Variants in FUCA1 observed in about 807,000 individuals in gnomAD.
FUCA1 encodes tissue alpha-L-fucosidase.
FUCA1 carries 52 observed loss-of-function variants against 56.8 expected under a neutral mutation model. That is an observed-to-expected ratio of 0.92 (90% CI 0.73 to 1.15). The LOEUF (loss-of-function observed/expected upper bound fraction) is 1.15. Ranked by LOEUF, FUCA1 falls within the 50% of genes most tolerant of loss-of-function variation. FUCA1 has a pLI of 0.00. For synonymous variants in FUCA1, 230 were observed against 226.6 expected (o/e 1.02, Z -0.14); for missense variants, 568 against 592.6 (o/e 0.96, Z 0.43).
intron 4 of FUCA1, among the ~76,000 whole-genome samples, chr1:23,857,017 A>AT (rs1639406471): frequency 6.6e-6 from 1 of 151,726 alleles, no homozygotes; most frequent in Non-Finnish European, 1.5e-5. Flanking sequence ...GAAAAAAAAA[A>AT]GCCAAAAAAG....
intron 6 of FUCA1, among the ~76,000 whole-genome samples, chr1:23,847,662 G>T (rs1297391425): frequency 1.3e-5 from 2 of 152,102 alleles, no homozygotes; most frequent in Admixed American, 6.6e-5. Flanking sequence ...CCAGATGCTG[G>T]TGCTATGCTC....
intron 2 of FUCA1, among the ~76,000 whole-genome samples, chr1:23,864,706 C>CTTTTTTTT (rs563678936): frequency 7.2e-6 from 1 of 138,542 alleles, no homozygotes; most frequent in Non-Finnish European, 1.6e-5. Context: ...TGTCTTTTTT[C>CTTTTTTTT]TTTTTTTTTT....
Position 23,859,858 on chromosome 1 carries a change from AG to A in FUCA1, c.707del (p.Pro236LeufsTer25), listed in dbSNP as rs769782567. The A allele has an allele frequency of 6.2e-7, 1 of 1,613,664 alleles. No homozygotes were observed. Among genetic ancestry groups the A allele is most frequent in the East Asian group, 2.2e-5 (1 of 44,870 alleles). On this transcript the variant is annotated frameshift_variant, in exon 4 of 8. Transcript: ENST00000374479. LOFTEE classifies it high-confidence loss of function. ...LIWSDGEWEC[P>X]DTYWNSTNFL... ...AATTTGTGGAGTTCCAGTAAGTATC[AG>A]GACATTCCCACTCCCCATCAGACCA...
At chr1:23,852,377 G>T (rs1290640976) in intron 5 of FUCA1, among the ~76,000 whole-genome samples, 1 of 151,890 alleles carries the variant, frequency 6.6e-6, no homozygotes, top group Non-Finnish European at 1.5e-5. Context: ...AGGTATGATC[G>T]TGCCACTGCG....
intron 5 of FUCA1, 115 bp downstream of exon 5, chr1:23,854,245 T>A: frequency 1.2e-6 from 1 of 855,890 alleles, no homozygotes; most frequent in Non-Finnish European, 1.9e-6. Context: ...ACCTCCAAAA[T>A]ATGCATCTGT....
chr1:23,866,996 G>C (rs1027831037), intron 1 of FUCA1, among the ~76,000 whole-genome samples: 3 of 152,152 alleles, frequency 2.0e-5, no homozygotes, highest in Non-Finnish European at 4.4e-5. Flanking sequence ...AAGTTCAAGA[G>C]AAACGAAAAC....
intron 5 of FUCA1, 48 bp downstream of exon 5, chr1:23,854,312 A>G: frequency 7.2e-7 from 1 of 1,398,304 alleles, no homozygotes; most frequent in East Asian, 2.3e-5. Flanking sequence ...ATCATACTGC[A>G]TGTTAAAAAA....
chr1:23,859,736 G>A, intron 4 of FUCA1, 62 bp downstream of exon 4: 1 of 1,020,332 alleles, frequency 9.8e-7, no homozygotes, highest in Non-Finnish European at 1.6e-6. Flanking sequence ...CTACTCCAGA[G>A]TTTGGCTCCT....
Position 23,868,185 on chromosome 1 carries a change from C to T in FUCA1, c.102G>A (p.Pro34=), listed in dbSNP as rs770365153. 6.2e-7 allele frequency: 1 copy of T among 1,604,238 alleles called. No homozygotes were observed. Among genetic ancestry groups the T allele is most frequent in the Admixed American group, 1.7e-5 (1 of 58,788 alleles). ...TCGGCCAGTCTGGGGTGTAGCGGCG[C>T]GGAGGCTGGGCCCGACGCACCGACT... is the stretch of plus-strand genomic sequence containing the variant. ...AAESVRRAQP[P]RRYTPDWPSL... Residue 34 remains proline (P), a synonymous_variant, in exon 1 of 8, where the codon CCG becomes CCA. Transcript: ENST00000374479.
At chr1:23,865,419 A>G (rs1639601650) in intron 2 of FUCA1, 72 bp downstream of exon 2, 2 of 1,596,070 alleles carry the variant, frequency 1.3e-6, no homozygotes, top group African/African-American at 2.7e-5. Flanking sequence ...AACACACGCA[A>G]GTAGAGGAGG....
intron 5 of FUCA1, among the ~76,000 whole-genome samples, chr1:23,851,299 G>A (rs141774858): frequency 0.026 from 3,913 of 152,008 alleles, 146 homozygotes; most frequent in African/African-American, 0.085. Flanking sequence ...GGGAGACGGC[G>A]GTTGCAGCAG....
intron 5 of FUCA1, among the ~76,000 whole-genome samples, chr1:23,849,575 CTTTTTTTTTTTT>C (rs991049814): frequency 1.2e-5 from 1 of 80,262 alleles, no homozygotes; most frequent in Non-Finnish European, 2.3e-5. Context: ...GAGATACGTT[CTTTTTTTTTTTT>C]TTTTTTTTTT....
At chr1:23,854,610 CT>C in intron 4 of FUCA1, 50 bp from the exon 5 acceptor site, 1 of 1,395,496 alleles carries the variant, frequency 7.2e-7, no homozygotes. Context: ...CACTTGACTT[CT>C]TTATGTAATA....
chr1:23,849,292 TTC>T (rs1639209008), intron 5 of FUCA1, among the ~76,000 whole-genome samples: 1 of 152,030 alleles, frequency 6.6e-6, no homozygotes, highest in African/African-American at 2.4e-5. Context: ...GAGCTAAAAA[TTC>T]TCTCTCTATA....
intron 5 of FUCA1, among the ~76,000 whole-genome samples, chr1:23,850,751 G>C (rs1014613189): frequency 6.6e-5 from 10 of 152,102 alleles, no homozygotes; most frequent in Admixed American, 1.3e-4. Flanking sequence ...CTCCCAAAGT[G>C]CTGGGATTAC....
At position 23,848,809 on chromosome 1, in the gene FUCA1, T is replaced by A. The variant is rs776913133; in HGVS notation, c.1000A>T (p.Asn334Tyr). The A allele has an allele frequency of 4.3e-6, 7 of 1,614,074 alleles. No homozygotes were observed. Among genetic ancestry groups the A allele is most frequent in the Non-Finnish European group, 5.9e-6 (7 of 1,180,032 alleles). Residue 334 changes from asparagine to tyrosine, a missense_variant, in exon 6 of 8, where the codon AAC (asparagine) becomes TAC (tyrosine). Physicochemically the swap from Asn to Tyr is moderately radical, Grantham distance 143 (BLOSUM62 -2). Coordinates refer to ENST00000374479, the MANE Select transcript of FUCA1 (RefSeq NM_000147.5). ...GTTGGTCCAATGTTCAGAAGATAGT[T>A]GCCTCCCAAACTTACTGTCTGAACC... is the stretch of plus-strand genomic sequence containing the variant. The part of the protein sequence containing the change: ...ELVQTVSLGG[N>Y]YLLNIGPTKD...
chr1:23,862,936 C>G (rs898663524), intron 3 of FUCA1, among the ~76,000 whole-genome samples, 198 bp downstream of exon 3: 9 of 152,144 alleles, frequency 5.9e-5, no homozygotes, highest in African/African-American at 1.9e-4. Flanking sequence ...ATGTAGAAGG[C>G]AATATGGCCA....
intron 4 of FUCA1, among the ~76,000 whole-genome samples, 174 bp from the exon 5 acceptor site, chr1:23,854,734 G>C (rs753422698): frequency 4.6e-5 from 7 of 152,168 alleles, no homozygotes; most frequent in Middle Eastern, 3.2e-3. Context: ...AGACATTTTT[G>C]ATTGTCACAA....
At chr1:23,866,917 A>C (rs1363496840) in intron 1 of FUCA1, among the ~76,000 whole-genome samples, 1 of 152,220 alleles carries the variant, frequency 6.6e-6, no homozygotes, top group African/African-American at 2.4e-5. Flanking sequence ...ATCAAGTCTT[A>C]TACTCCCATA....
Sources: allele counts gnomAD v4.1 joint callset (sites outside exome capture counted in the v4.1 genomes callset), GRCh38; gene constraint gnomAD v4.1.1; transcripts MANE v1.5; gene names NCBI Gene and HGNC (gene_info 2026-07-23, HGNC 2026-07-21).